MYH16: variants seen among roughly 807,000 people sequenced by gnomAD.
MYH16 encodes putative uncharacterized protein MYH16.
intron 23 of MYH16, among the ~76,000 whole-genome samples, chr7:99,283,235 T>C (rs1274587682): frequency 1.3e-5 from 2 of 152,118 alleles, no homozygotes; most frequent in African/African-American, 2.4e-5. Context: ...TGGCTGGCAC[T>C]ACAGACGTGT....
chr7:99,274,804 T>G (rs895517194), intron 20 of MYH16, among the ~76,000 whole-genome samples: 4 of 150,710 alleles, frequency 2.7e-5, no homozygotes, highest in African/African-American at 9.8e-5. Context: ...CTCCTGAGTA[T>G]CTGGGATTAC....
chr7:99,276,922 T>C (rs1295756655), intron 20 of MYH16, among the ~76,000 whole-genome samples: 1 of 139,372 alleles, frequency 7.2e-6, no homozygotes. Context: ...GAGACAGAGA[T>C]GAGACAGAGA....
chr7:99,270,040 A>T (rs1792029790), intron 18 of MYH16, among the ~76,000 whole-genome samples: 2 of 151,082 alleles, frequency 1.3e-5, no homozygotes, highest in South Asian at 4.2e-4. Context: ...TGCCTGGCTA[A>T]TTTTTTGTAT....
intron 39 of MYH16, among the ~76,000 whole-genome samples, chr7:99,303,816 T>C (rs928202946): frequency 6.6e-6 from 1 of 151,884 alleles, no homozygotes; most frequent in African/African-American, 2.4e-5. Flanking sequence ...CATGAAATAA[T>C]AACAATAACA....
downstream of MYH16, among the ~76,000 whole-genome samples, chr7:99,308,119 A>T (rs904536201): frequency 6.6e-6 from 1 of 151,870 alleles, no homozygotes; most frequent in Admixed American, 6.6e-5. Flanking sequence ...AGATACCTGA[A>T]ACCCCAACTC....
intron 22 of MYH16, among the ~76,000 whole-genome samples, chr7:99,280,640 G>T (rs1337650948): frequency 6.6e-6 from 1 of 152,190 alleles, no homozygotes; most frequent in Non-Finnish European, 1.5e-5. Context: ...TGGAGCCCAA[G>T]GGTCTGTATT....
intron 28 of MYH16, among the ~76,000 whole-genome samples, chr7:99,287,190 G>T (rs1584353481): frequency 1.3e-5 from 2 of 152,104 alleles, no homozygotes; most frequent in East Asian, 1.9e-4. Flanking sequence ...GACCCTAGTT[G>T]TCGGTACCTG....
chr7:99,239,775 G>A (rs1791643535), intron 1 of MYH16, among the ~76,000 whole-genome samples: 1 of 152,208 alleles, frequency 6.6e-6, no homozygotes, highest in Non-Finnish European at 1.5e-5. Context: ...ATGGGAATAT[G>A]CTGTAAATCA....
intron 21 of MYH16, among the ~76,000 whole-genome samples, chr7:99,279,159 C>G (rs374357818): frequency 2.7e-4 from 41 of 151,920 alleles, no homozygotes; most frequent in Non-Finnish European, 4.6e-4. Flanking sequence ...CCACTGCACC[C>G]CAGCCTGGGT....
intron 29 of MYH16, among the ~76,000 whole-genome samples, 200 bp from the exon 11 acceptor site, chr7:99,289,087 C>T (rs1277588815): frequency 2.7e-5 from 4 of 149,600 alleles, no homozygotes; most frequent in African/African-American, 7.4e-5. Context: ...GCACTCCAGC[C>T]GGGGTGATGG....
chr7:99,284,519 G>A (rs897247384), intron 25 of MYH16, among the ~76,000 whole-genome samples: 4 of 152,156 alleles, frequency 2.6e-5, no homozygotes, highest in African/African-American at 9.7e-5. Context: ...AGCCCAGGAG[G>A]TCAAGGCTGC....
intron 41 of MYH16, among the ~76,000 whole-genome samples, chr7:99,306,364 C>T (rs1275780649): frequency 6.6e-6 from 1 of 152,004 alleles, no homozygotes; most frequent in Non-Finnish European, 1.5e-5. Context: ...CCCATCTCTA[C>T]TGAAAATACA....
At chr7:99,265,974 C>T (rs189639611) in intron 17 of MYH16, among the ~76,000 whole-genome samples, 1 of 152,296 alleles carries the variant, frequency 6.6e-6, no homozygotes, top group East Asian at 1.9e-4. Context: ...TTAATGCCTC[C>T]CTGGAAGGAG....
chr7:99,239,800 C>T (rs1791644544), intron 1 of MYH16, among the ~76,000 whole-genome samples: 1 of 152,192 alleles, frequency 6.6e-6, no homozygotes, highest in African/African-American at 2.4e-5. Context: ...CACTTCCCCC[C>T]AGACAGCTGG....
chr7:99,278,187 C>A (rs1792145584), intron 21 of MYH16, among the ~76,000 whole-genome samples: 1 of 152,132 alleles, frequency 6.6e-6, no homozygotes, highest in Non-Finnish European at 1.5e-5. Flanking sequence ...AAGTGATCCT[C>A]CTATTTCGGC....
intron 31 of MYH16, 32 bp from the exon 13 acceptor site, chr7:99,292,273 GAAAGCCC>G (rs1273551420): frequency 2.2e-6 from 1 of 447,590 alleles, no homozygotes; most frequent in Admixed American, 2.4e-5. Context: ...GCGGGCTGTG[GAAAGCCC>G]CCACGGGCGC....
chr7:99,303,492 G>A (rs1792636032), intron 39 of MYH16, among the ~76,000 whole-genome samples: 1 of 152,240 alleles, frequency 6.6e-6, no homozygotes, highest in Admixed American at 6.5e-5. Context: ...AGCCTTTTTG[G>A]CAATGAGATG....
chr7:99,257,718 C>T (rs1348789447), intron 10 of MYH16, among the ~76,000 whole-genome samples: 1 of 152,200 alleles, frequency 6.6e-6, no homozygotes, highest in Non-Finnish European at 1.5e-5. Flanking sequence ...GCAATCATGG[C>T]TCACTGCAGC....
chr7:99,263,977 A>C (rs954288905), intron 14 of MYH16, among the ~76,000 whole-genome samples: 1 of 152,174 alleles, frequency 6.6e-6, no homozygotes, highest in Admixed American at 6.5e-5. Flanking sequence ...CCTCCCCAGA[A>C]AATGGGAGCA....
Sources: gnomAD v4.1 joint callset for allele counts (sites outside exome capture counted in the v4.1 genomes callset) on GRCh38, gnomAD v4.1.1 for gene constraint, MANE v1.5 for transcripts, NCBI Gene and HGNC (gene_info 2026-07-23, HGNC 2026-07-21) for gene names.